Variants in FSTL5 observed in about 807,000 individuals in gnomAD.
FSTL5 encodes the protein follistatin like 5.
In FSTL5, 62 loss-of-function variants were observed where a neutral mutation model predicts 89.1. That is an observed-to-expected ratio of 0.70 (90% CI 0.57 to 0.86). FSTL5 has a LOEUF of 0.86. Ranked by LOEUF, FSTL5 falls within the 40% of genes least tolerant of loss-of-function variation. The pLI, the probability that FSTL5 is intolerant of heterozygous loss-of-function variation, is 0.00. For missense variants in FSTL5, 1,057 were observed against 1,001.6 expected, an observed-to-expected ratio of 1.06 and a Z score of -0.75; for synonymous variants, 383 against 346.2, an observed-to-expected ratio of 1.11 and a Z score of -1.18.
In FSTL5 at chr4:162,038,068, T is replaced by G. The variant is rs1737808737; in HGVS notation, c.127-4410A>C. Reference sequence around the variant, plus strand: ...CACACGATTCATTTGAAAAACATTCTTACATTAGGAAGACTTAGGTCTTGT... The same window carrying G: ...CACACGATTCATTTGAAAAACATTCGTACATTAGGAAGACTTAGGTCTTGT... On this transcript the variant is annotated intron_variant, in intron 2 of 15. Coordinates refer to ENST00000306100, the MANE Select transcript of FSTL5 (RefSeq NM_020116.5). Among the ~76,000 whole-genome samples the G allele has an allele frequency of 3.9e-5, 6 of 152,076 alleles. No homozygotes were observed. In the South Asian group the frequency reaches 1.2e-3, roughly 31 times the overall value.
At chr4:161,771,676 A>G (rs1211522421) in intron 5 of FSTL5, among the ~76,000 whole-genome samples, 1 of 152,128 alleles carries the variant, frequency 6.6e-6, no homozygotes, top group East Asian at 1.9e-4. Context: ...TTCTTCAGTT[A>G]TAACCTGTTT....
At position 161,384,985 on chromosome 4, in the gene FSTL5, G is replaced by A. The variant is rs540494200; in HGVS notation, c.*762C>T. 1.9e-4 allele frequency: 29 copies of A among 152,214 alleles called. No individual in the cohort carries two copies. Among genetic ancestry groups the A allele is most frequent in the African/African-American group, 7.0e-4 (29 of 41,566 alleles). The allele number at this position is 152,214 out of a possible 1,614,324, so 9.4% of individuals were successfully genotyped here. The stretch of plus-strand genomic sequence containing the variant: ...ACATAATGCACTCTAGTGATTGAAA[G>A]CAAAATGAGTAGATAGATTGCAAAT... On this transcript the variant is annotated 3_prime_UTR_variant, in exon 16 of 16. Coordinates refer to ENST00000306100, the MANE Select transcript of FSTL5 (RefSeq NM_020116.5).
chr4:162,011,124 T>C (rs534536945), intron 3 of FSTL5, among the ~76,000 whole-genome samples: 1 of 152,164 alleles, frequency 6.6e-6, no homozygotes, highest in African/African-American at 2.4e-5. Context: ...TTAGGAGAAG[T>C]GTACATGGCA....
intron 1 of FSTL5, among the ~76,000 whole-genome samples, chr4:162,123,956 T>C (rs1731969889): frequency 6.6e-6 from 1 of 152,108 alleles, no homozygotes; most frequent in Admixed American, 6.6e-5. Context: ...GGATATATAA[T>C]GTGTTCCAGG....
chr4:162,100,289 G>A (rs1344553320), intron 2 of FSTL5, among the ~76,000 whole-genome samples: 8 of 152,250 alleles, frequency 5.3e-5, no homozygotes, highest in Middle Eastern at 3.4e-3. Context: ...GGCCGGGTAC[G>A]GTGGCTCACG....
rs185104104 is a variant in FSTL5 at position 162,027,527 on chromosome 4, A to G, written c.160+6098T>C. ...CTCAACGTTTTACTATTTTTATTTCAAAAACTTGCATTATCACAAAAACAT... is the reference window on the plus strand; with the variant it reads ...CTCAACGTTTTACTATTTTTATTTCGAAAACTTGCATTATCACAAAAACAT... On this transcript the variant is annotated intron_variant, in intron 3 of 15. Coordinates refer to ENST00000306100, the MANE Select transcript of FSTL5 (RefSeq NM_020116.5). Among the ~76,000 whole-genome samples the G allele has an allele frequency of 4.0e-3, 607 of 152,258 alleles. 4 individuals are homozygous for G. Among genetic ancestry groups the G allele is most frequent in the African/African-American group, 0.014 (584 of 41,582 alleles).
At chr4:161,783,076 C>A (rs1327979383) in intron 4 of FSTL5, among the ~76,000 whole-genome samples, 1 of 151,972 alleles carries the variant, frequency 6.6e-6, no homozygotes, top group Non-Finnish European at 1.5e-5. Context: ...GAAAACACAA[C>A]AAAATAAAAC....
chr4:162,048,522 A>G (rs1171306747), intron 2 of FSTL5, among the ~76,000 whole-genome samples: 2 of 152,000 alleles, frequency 1.3e-5, no homozygotes, highest in Non-Finnish European at 2.9e-5. Context: ...GACCTTCACT[A>G]CTATCAGTAT....
chr4:161,386,577 C>A, intron 15 of FSTL5, 128 bp from the exon 16 acceptor site: 1 of 638,884 alleles, frequency 1.6e-6, no homozygotes. Context: ...ATTTGTGTTA[C>A]AATTGTGCTA....
At chr4:161,805,692 T>C (rs1406504425) in intron 4 of FSTL5, among the ~76,000 whole-genome samples, 1 of 152,100 alleles carries the variant, frequency 6.6e-6, no homozygotes, top group Non-Finnish European at 1.5e-5. Flanking sequence ...GTCACTGAAC[T>C]AAAAATATTG....
chr4:161,823,063 T>C (rs1730544168), intron 4 of FSTL5, among the ~76,000 whole-genome samples: 1 of 152,158 alleles, frequency 6.6e-6, no homozygotes, highest in South Asian at 2.1e-4. Context: ...GTCTGGGGTT[T>C]TTATGGTCTC....
chr4:161,633,083 T>C (rs927113052), intron 7 of FSTL5, among the ~76,000 whole-genome samples: 6 of 151,282 alleles, frequency 4.0e-5, no homozygotes, highest in African/African-American at 1.5e-4. Flanking sequence ...TAGCAAATGA[T>C]AGCACAATGT....
intron 4 of FSTL5, among the ~76,000 whole-genome samples, chr4:161,821,210 G>A (rs1355406522): frequency 9.2e-5 from 14 of 151,830 alleles, no homozygotes; most frequent in Non-Finnish European, 1.5e-5. Flanking sequence ...GCTAATTTTT[G>A]TATTTTTTGT....
In FSTL5 at chr4:161,953,682, A is replaced by T. The variant is rs1470200795; in HGVS notation, c.161-33030T>A. Among the ~76,000 whole-genome samples, 4 of 151,790 alleles carry T rather than the reference A, an allele frequency of 2.6e-5. No individual in the cohort carries two copies. The East Asian group carries it at 7.7e-4, about 29-fold the overall frequency. On this transcript the variant is annotated intron_variant, in intron 3 of 15. Transcript: ENST00000306100. ...CACAATTTTAGTTAGCCATAGAATT[A>T]GCAAGCACATATTTTTTTCAATGAG...
intron 1 of FSTL5, among the ~76,000 whole-genome samples, chr4:162,118,406 C>G (rs139142380): frequency 0.048 from 7,316 of 152,078 alleles, 368 homozygotes; most frequent in East Asian, 0.27. Flanking sequence ...GACTACAGGG[C>G]CCCGCCACCA....
intron 7 of FSTL5, among the ~76,000 whole-genome samples, chr4:161,646,985 G>A (rs1457598783): frequency 2.6e-5 from 4 of 151,936 alleles, no homozygotes; most frequent in Admixed American, 6.6e-5. Context: ...CCTTTGCTAT[G>A]CAGAAACTAT....
At chr4:161,687,734 G>A (rs1169376725) in intron 6 of FSTL5, among the ~76,000 whole-genome samples, 2 of 152,234 alleles carry the variant, frequency 1.3e-5, no homozygotes, top group Admixed American at 6.5e-5. Flanking sequence ...TGATCTCTCA[G>A]TATTTGGACT....
chr4:161,702,724 G>T lies in FSTL5; in HGVS notation c.728-46230C>A, dbSNP rs185507835. 1.6e-4 allele frequency among the ~76,000 whole-genome samples: 24 copies of T among 152,156 alleles called. No individual in the cohort carries two copies. The East Asian group carries it at 3.1e-3, about 20-fold the overall frequency. On this transcript the variant is annotated intron_variant, in intron 6 of 15. Transcript: ENST00000306100. Reference sequence around the variant, plus strand: ...CCCCCAGATGCACTTTAGTGTTCTGGTTTTCCTTAAAAGATTATTGACTTC... The same window carrying T: ...CCCCCAGATGCACTTTAGTGTTCTGTTTTTCCTTAAAAGATTATTGACTTC...
In FSTL5 at chr4:161,455,049, T is replaced by A; in HGVS notation, c.1796A>T (p.Asp599Val). 6.2e-7 allele frequency: 1 copy of A among 1,613,670 alleles called. No individual in the cohort carries two copies. Among genetic ancestry groups the A allele is most frequent in the South Asian group, 1.1e-5 (1 of 91,022 alleles). ...TGTTGTGGTGGGAATGAAAAAATCA[T>A]CCACTCTGTCAAATTGCTTTCCCAC... ...QPVGKQFDRV[D>V]DFFIPTTTLI... The change falls in exon 15 of 16, where the codon GAT (aspartate) becomes GTT (valine). Residue 599 changes from aspartate (D) to valine (V), a missense_variant. By Grantham distance (152) the Asp-to-Val change is radical. Transcript: ENST00000306100.
Sources: allele counts gnomAD v4.1 joint callset (sites outside exome capture counted in the v4.1 genomes callset), GRCh38; gene constraint gnomAD v4.1.1; transcripts MANE v1.5; gene names NCBI Gene and HGNC (gene_info 2026-07-23, HGNC 2026-07-21).